Variants in BLTP2 observed in about 807,000 individuals in gnomAD.
The protein encoded by BLTP2 is bridge-like lipid transfer protein family member 2.
At chr17:28,630,621 C>T in the BLTP2 span, among the ~76,000 whole-genome samples, 10 of 152,144 alleles carry the variant, frequency 6.6e-5, no homozygotes, top group South Asian at 1.7e-3. Flanking sequence ...GCTGGAACTA[C>T]GGTCATGTAC....
At chr17:28,633,541 C>A in the BLTP2 span, 3 of 1,613,688 alleles carry the variant, frequency 1.9e-6, no homozygotes, top group African/African-American at 1.3e-5. Context: ...TATCATGACA[C>A]CCCTCACCTC....
chr17:28,641,794 C>A, the BLTP2 span: 1 of 1,090,378 alleles, frequency 9.2e-7, no homozygotes, highest in African/African-American at 1.6e-5. Context: ...ACTAGTGAAT[C>A]ACATCTAAAT....
the BLTP2 span, chr17:28,636,998 G>C: frequency 1.2e-6 from 2 of 1,614,198 alleles, no homozygotes; most frequent in Non-Finnish European, 1.7e-6. Flanking sequence ...GATAGGTGAT[G>C]GAGAGCATGG....
chr17:28,627,768 C>A, the BLTP2 span, among the ~76,000 whole-genome samples: 4 of 152,010 alleles, frequency 2.6e-5, no homozygotes, highest in African/African-American at 9.7e-5. Flanking sequence ...GAATCTCGTG[C>A]CTTAGCCTCC....
At chr17:28,621,457 A>G in the BLTP2 span, 3 of 1,614,098 alleles carry the variant, frequency 1.9e-6, no homozygotes, top group Admixed American at 1.7e-5. Flanking sequence ...GCTCCTGCAC[A>G]GAGTCCAGAC....
the BLTP2 span, chr17:28,633,066 G>A: frequency 5.7e-6 from 9 of 1,592,368 alleles, no homozygotes; most frequent in Non-Finnish European, 7.7e-6. Context: ...CCCGCAGAGT[G>A]ACACTATGGT....
chr17:28,617,110 C>T, the BLTP2 span: 2 of 1,177,332 alleles, frequency 1.7e-6, no homozygotes, highest in Non-Finnish European at 2.5e-6. Context: ...CTAAGCTGGG[C>T]AAGCTTTCAC....
chr17:28,631,513 G>T, the BLTP2 span: 1 of 1,614,182 alleles, frequency 6.2e-7, no homozygotes, highest in Non-Finnish European at 8.5e-7. Context: ...CCGTTGGTAG[G>T]TGAGGGAGGA....
chr17:28,642,834 T>G, the BLTP2 span: 1 of 1,214,336 alleles, frequency 8.2e-7, no homozygotes, highest in Non-Finnish European at 1.2e-6. Flanking sequence ...GAGGCAAGAA[T>G]AGGACGGCTA....
the BLTP2 span, among the ~76,000 whole-genome samples, chr17:28,637,359 G>T: frequency 6.6e-6 from 1 of 152,092 alleles, no homozygotes; most frequent in Non-Finnish European, 1.5e-5. Flanking sequence ...AATCAAAGTT[G>T]TTCCTTAACT....
chr17:28,633,934 T>C, the BLTP2 span: 2 of 1,613,978 alleles, frequency 1.2e-6, no homozygotes, highest in African/African-American at 1.3e-5. Context: ...GGCATGTTCC[T>C]CTCCACTGCC....
At chr17:28,643,994 A>C in the BLTP2 span, 1 of 1,541,478 alleles carries the variant, frequency 6.5e-7, no homozygotes, top group Non-Finnish European at 8.8e-7. Flanking sequence ...AAAAAAAGGA[A>C]ATTAAGAGTT....
the BLTP2 span, among the ~76,000 whole-genome samples, chr17:28,644,420 A>C: frequency 2.6e-4 from 40 of 152,318 alleles, no homozygotes; most frequent in South Asian, 1.2e-3. Flanking sequence ...CTCTAAGTTG[A>C]AGACAAAAAC....
the BLTP2 span, among the ~76,000 whole-genome samples, chr17:28,628,738 GCC>G: frequency 1.3e-5 from 2 of 152,128 alleles, no homozygotes; most frequent in African/African-American, 4.8e-5. Context: ...TTTGGGACCA[GCC>G]TGGCCAACCT....
At chr17:28,621,695 C>A in the BLTP2 span, among the ~76,000 whole-genome samples, 1 of 152,156 alleles carries the variant, frequency 6.6e-6, no homozygotes, top group Non-Finnish European at 1.5e-5. Context: ...CCCAAATTCT[C>A]CAACCCAACT....
At chr17:28,629,580 C>A in the BLTP2 span, among the ~76,000 whole-genome samples, 1 of 152,164 alleles carries the variant, frequency 6.6e-6, no homozygotes, top group African/African-American at 2.4e-5. Context: ...CGGGTTCAAG[C>A]GATTCTCCTG....
the BLTP2 span, chr17:28,634,035 A>G: frequency 6.2e-7 from 1 of 1,614,166 alleles, no homozygotes. Flanking sequence ...TCGACCCATT[A>G]GCCGCCAGTC....
the BLTP2 span, chr17:28,636,959 C>A: frequency 6.2e-7 from 1 of 1,612,582 alleles, no homozygotes; most frequent in South Asian, 1.1e-5. Context: ...TCCACAGGAA[C>A]ATTACCTCCA....
the BLTP2 span, among the ~76,000 whole-genome samples, chr17:28,642,650 C>CA: frequency 8.7e-5 from 13 of 150,204 alleles, no homozygotes; most frequent in Admixed American, 2.6e-4. Flanking sequence ...GACTCTGTCT[C>CA]AAAAAAAAAA....
Sources: gnomAD v4.1 joint callset for allele counts (sites outside exome capture counted in the v4.1 genomes callset) on GRCh38, gnomAD v4.1.1 for gene constraint, MANE v1.5 for transcripts, NCBI Gene and HGNC (gene_info 2026-07-23, HGNC 2026-07-21) for gene names.